FAF1: variants seen among roughly 807,000 people sequenced by gnomAD.
FAF1 encodes Fas associated factor 1.
FAF1 carries 25 observed loss-of-function variants against 92.5 expected under a neutral mutation model. The ratio of observed to expected loss-of-function variants is 0.27; its 90% CI spans 0.20 to 0.38. The LOEUF (loss-of-function observed/expected upper bound fraction) is 0.38. Among genes scored for constraint, FAF1 ranks in the 10% least tolerant of loss-of-function variants. The probability of loss-of-function intolerance (pLI) is 1.00; values close to 1 mark genes in which losing one functional copy is unlikely to be tolerated. For missense variants in FAF1, 636 were observed against 793.3 expected (o/e 0.80, Z 2.38); for synonymous variants, 234 against 273.2 (o/e 0.86, Z 1.42).
intron 6 of FAF1, among the ~76,000 whole-genome samples, chr1:50,717,295 T>C (rs999516959): frequency 6.6e-6 from 1 of 152,094 alleles, no homozygotes; most frequent in Admixed American, 6.6e-5. Context: ...CAGGTTTAGG[T>C]GAGGTCATGA....
intron 2 of FAF1, among the ~76,000 whole-genome samples, chr1:50,840,834 G>A (rs1240546001): frequency 6.6e-6 from 1 of 151,852 alleles, no homozygotes; most frequent in African/African-American, 2.4e-5. Flanking sequence ...TTATGGTAAA[G>A]AAAAATTACA....
chr1:50,554,489 T>C (rs572073411), intron 13 of FAF1, among the ~76,000 whole-genome samples: 1 of 151,494 alleles, frequency 6.6e-6, no homozygotes, highest in South Asian at 2.1e-4. Flanking sequence ...ATGGTTGTAG[T>C]TGTCATCATG....
intron 8 of FAF1, among the ~76,000 whole-genome samples, chr1:50,621,106 A>G (rs1016279716): frequency 2.0e-5 from 3 of 152,164 alleles, no homozygotes; most frequent in Admixed American, 6.6e-5. Flanking sequence ...TTGGTCTTAG[A>G]TCTTGGCTCC....
At chr1:50,442,940 G>T (rs1407977084) in intron 18 of FAF1, among the ~76,000 whole-genome samples, 3 of 152,192 alleles carry the variant, frequency 2.0e-5, no homozygotes, top group Non-Finnish European at 4.4e-5. Flanking sequence ...CAGATGGACA[G>T]GCAAGGAGTG....
chr1:50,558,736 T>G (rs913427990), intron 13 of FAF1, among the ~76,000 whole-genome samples: 12 of 152,246 alleles, frequency 7.9e-5, no homozygotes, highest in Non-Finnish European at 8.8e-5. Flanking sequence ...GACAACTGTA[T>G]CTGAGTTAAA....
chr1:50,838,662 A>C (rs536364920), intron 2 of FAF1, among the ~76,000 whole-genome samples: 1 of 151,440 alleles, frequency 6.6e-6, no homozygotes, highest in Admixed American at 6.6e-5. Context: ...CTGCTCCCAC[A>C]GATGTTACTG....
chr1:50,511,409 C>T (rs186418075), intron 15 of FAF1, among the ~76,000 whole-genome samples: 4 of 149,542 alleles, frequency 2.7e-5, no homozygotes, highest in African/African-American at 9.8e-5. Context: ...CCCCACCCAA[C>T]CCAACAGGCC....
At chr1:50,692,241 C>CTGCG (rs1553128969) in intron 7 of FAF1, among the ~76,000 whole-genome samples, 2 of 129,002 alleles carry the variant, frequency 1.6e-5, no homozygotes, top group African/African-American at 5.8e-5. Flanking sequence ...GAAGTATTTA[C>CTGCG]TGTGTGTGTG....
intron 8 of FAF1, among the ~76,000 whole-genome samples, chr1:50,616,057 T>G (rs943198806): frequency 6.6e-6 from 1 of 152,222 alleles, no homozygotes; most frequent in Admixed American, 6.5e-5. Flanking sequence ...GGTGCCTAGT[T>G]CCATTCCTTT....
At chr1:50,445,534 G>A (rs562529357) in intron 18 of FAF1, among the ~76,000 whole-genome samples, 6 of 152,156 alleles carry the variant, frequency 3.9e-5, no homozygotes, top group Non-Finnish European at 7.3e-5. Context: ...CCAAGCTTCC[G>A]GGATATAAGA....
At position 50,691,906 on chromosome 1, in the gene FAF1, A is replaced by C. The variant is rs141354739; in HGVS notation, c.657+13880T>G. 6.4e-4 allele frequency among the ~76,000 whole-genome samples: 98 copies of C among 152,318 alleles called. No individual in the cohort carries two copies. In the East Asian group the frequency reaches 9.2e-3, roughly 14 times the overall value. On this transcript the variant is annotated intron_variant, in intron 7 of 18. Transcript: ENST00000396153. ...GTTTTGATATATGTATACACTATGA[A>C]ATGATTAAATTAAGCTAATTAACAT...
At chr1:50,938,919 G>A (rs1187627408) in intron 1 of FAF1, among the ~76,000 whole-genome samples, 1 of 152,044 alleles carries the variant, frequency 6.6e-6, no homozygotes, top group Non-Finnish European at 1.5e-5. Flanking sequence ...TGTTCCATTG[G>A]TCTATGTGTC....
chr1:50,734,500 C>T (rs1042403446), intron 6 of FAF1, among the ~76,000 whole-genome samples: 1 of 151,940 alleles, frequency 6.6e-6, no homozygotes, highest in Non-Finnish European at 1.5e-5. Context: ...TTTGGGAAGC[C>T]GAGGCGGGTG....
At chr1:50,477,465 GA>G in intron 17 of FAF1, among the ~76,000 whole-genome samples, 1 of 152,194 alleles carries the variant, frequency 6.6e-6, no homozygotes, top group South Asian at 2.1e-4. Flanking sequence ...GGAGACATAA[GA>G]AATACAGTTA....
intron 8 of FAF1, among the ~76,000 whole-genome samples, chr1:50,619,782 T>G (rs1653102978): frequency 6.6e-6 from 1 of 152,216 alleles, no homozygotes; most frequent in South Asian, 2.1e-4. Context: ...GATTTGCATA[T>G]CAATTTTTGT....
chr1:50,902,251 G>C (rs565677967), intron 1 of FAF1, among the ~76,000 whole-genome samples: 1 of 152,206 alleles, frequency 6.6e-6, no homozygotes, highest in African/African-American at 2.4e-5. Context: ...TAAAACCTGT[G>C]CTATCTAATA....
chr1:50,473,982 A>G (rs1646606589), intron 18 of FAF1, among the ~76,000 whole-genome samples: 1 of 152,228 alleles, frequency 6.6e-6, no homozygotes, highest in African/African-American at 2.4e-5. Context: ...GTCCCATTCC[A>G]TATAAAGCAG....
chr1:50,562,795 T>C (rs942976113), intron 13 of FAF1, among the ~76,000 whole-genome samples: 13 of 152,244 alleles, frequency 8.5e-5, no homozygotes, highest in African/African-American at 2.2e-4. Flanking sequence ...ATATTAAATA[T>C]TCAGTGTTTA....
In FAF1 at chr1:50,591,784, C is replaced by T. The variant is rs186033586; in HGVS notation, c.840+4337G>A. Among the ~76,000 whole-genome samples, 240 of 152,152 alleles carry T rather than the reference C, an allele frequency of 1.6e-3. 1 individual carries two copies. Among genetic ancestry groups the T allele is most frequent in the African/African-American group, 5.3e-3 (219 of 41,510 alleles). ...CTCATCTCTTATCTTCCTTTTCCCC[C>T]GACTTTCTTCTGCACTAACAGCAAC... On this transcript the variant is annotated intron_variant, in intron 9 of 18. Coordinates refer to ENST00000396153, the MANE Select transcript of FAF1 (RefSeq NM_007051.3).
Sources: gnomAD v4.1 joint callset for allele counts (sites outside exome capture counted in the v4.1 genomes callset) on GRCh38, gnomAD v4.1.1 for gene constraint, MANE v1.5 for transcripts, NCBI Gene and HGNC (gene_info 2026-07-23, HGNC 2026-07-21) for gene names.